ANO3: variants seen among roughly 807,000 people sequenced by gnomAD.
The protein encoded by ANO3 is anoctamin 3.
Under a neutral mutation model 144.8 loss-of-function variants are expected in ANO3, and 99 were observed. That is an observed-to-expected ratio of 0.68 (90% CI 0.58 to 0.81). The LOEUF is 0.81. ANO3 is among the 30% of genes least tolerant of loss of function. ANO3 has a pLI of 0.00. For synonymous variants in ANO3, 414 were observed against 392.6 expected (o/e 1.05, Z -0.64); for missense variants, 905 against 1,202.2 (o/e 0.75, Z 3.66).
At chr11:26,496,970 G>A (rs180877348) in intron 4 of ANO3, among the ~76,000 whole-genome samples, 11,175 of 95,764 alleles carry the variant, frequency 0.12, 601 homozygotes, top group Admixed American at 0.21. Context: ...AGAAAATGTT[G>A]TGTGTATATA....
intron 7 of ANO3, 72 bp from the exon 8 acceptor site, chr11:26,531,133 G>T (rs1481770651): frequency 7.1e-6 from 11 of 1,552,064 alleles, no homozygotes; most frequent in Non-Finnish European, 9.7e-6. Context: ...GTACTTAAGT[G>T]AATTGTAGTG....
chr11:26,410,725 G>C (rs1347908722), intron 1 of ANO3, among the ~76,000 whole-genome samples: 1 of 152,010 alleles, frequency 6.6e-6, no homozygotes, highest in Non-Finnish European at 1.5e-5. Flanking sequence ...TAAGAAGGCA[G>C]ATTTCTGCTC....
intron 13 of ANO3, chr11:26,558,962 T>A (rs1035964800): frequency 2.0e-5 from 3 of 152,150 alleles, no homozygotes; most frequent in African/African-American, 7.2e-5. Context: ...GCCTTCACTG[T>A]GTTAGTTTAA....
At chr11:26,503,563 C>G (rs1861286403) in intron 4 of ANO3, among the ~76,000 whole-genome samples, 1 of 152,086 alleles carries the variant, frequency 6.6e-6, no homozygotes, top group Non-Finnish European at 1.5e-5. Flanking sequence ...TGCTATGCTT[C>G]TCTATTGACA....
intron 4 of ANO3, among the ~76,000 whole-genome samples, chr11:26,478,899 T>C (rs977498980): frequency 1.3e-5 from 2 of 152,202 alleles, no homozygotes; most frequent in Admixed American, 6.5e-5. Context: ...TCACTGCTTG[T>C]GCCGCTGGAG....
Position 26,428,162 on chromosome 11 carries a change from C to T in ANO3, c.47-13756C>T, listed in dbSNP as rs139576226. On this transcript the variant is annotated intron_variant, in intron 1 of 26. Coordinates refer to ENST00000256737, the MANE Select transcript of ANO3 (RefSeq NM_031418.4). ...TTGAACATAATCAACAAACATTCAACATGTATATGTATATATGTGTCTGCA... is the reference window on the plus strand; with the variant it reads ...TTGAACATAATCAACAAACATTCAATATGTATATGTATATATGTGTCTGCA... 1.6e-4 allele frequency among the ~76,000 whole-genome samples: 25 copies of T among 152,222 alleles called. 1 individual carries two copies. The East Asian group carries it at 2.5e-3, about 15-fold the overall frequency.
At chr11:26,563,178 CACA>C (rs765395713) in intron 14 of ANO3, 16 of 1,612,340 alleles carry the variant, frequency 9.9e-6, no homozygotes, top group African/African-American at 5.3e-5. Context: ...CCTTTTTCCA[CACA>C]ACAAGTAGCC....
At chr11:26,257,756 A>C (rs1853092979) in intron 1 of ANO3, among the ~76,000 whole-genome samples, 1 of 150,120 alleles carries the variant, frequency 6.7e-6, no homozygotes, top group Non-Finnish European at 1.5e-5. Flanking sequence ...TACACATAAA[A>C]ATTCTGTCCC....
chr11:26,265,753 A>C (rs569700744), intron 1 of ANO3, among the ~76,000 whole-genome samples: 1 of 152,250 alleles, frequency 6.6e-6, no homozygotes, highest in South Asian at 2.1e-4. Context: ...TAGTCAAATA[A>C]CCCTGAAACC....
At chr11:26,660,189 T>G in intron 26 of ANO3, 73 bp from the exon 27 acceptor site, 1 of 1,345,426 alleles carries the variant, frequency 7.4e-7, no homozygotes, top group African/African-American at 1.4e-5. Context: ...GCAACATTGT[T>G]CATTGTTGTA....
intron 14 of ANO3, among the ~76,000 whole-genome samples, chr11:26,578,807 G>A (rs1284117323): frequency 2.6e-5 from 4 of 152,120 alleles, no homozygotes; most frequent in East Asian, 1.9e-4. Context: ...TTCTGAAATA[G>A]AGCCTTTTCT....
chr11:26,254,925 C>T (rs1853020879), intron 1 of ANO3, among the ~76,000 whole-genome samples: 1 of 152,066 alleles, frequency 6.6e-6, no homozygotes, highest in African/African-American at 2.4e-5. Context: ...CTCAATATCC[C>T]AATTTTATAG....
At chr11:26,276,752 T>C (rs1853568408) in intron 1 of ANO3, among the ~76,000 whole-genome samples, 1 of 152,118 alleles carries the variant, frequency 6.6e-6, no homozygotes, top group Non-Finnish European at 1.5e-5. Flanking sequence ...ACCTTACTCC[T>C]ACCTCCCTCT....
At chr11:26,641,114 T>G (rs1853135337) in intron 21 of ANO3, among the ~76,000 whole-genome samples, 1 of 152,220 alleles carries the variant, frequency 6.6e-6, no homozygotes, top group Admixed American at 6.5e-5. Flanking sequence ...CCACAATATG[T>G]GCATACCAGG....
chr11:26,607,728 C>G (rs1851975466), intron 17 of ANO3, among the ~76,000 whole-genome samples: 1 of 152,138 alleles, frequency 6.6e-6, no homozygotes, highest in Admixed American at 6.6e-5. Flanking sequence ...GTCGATTCAG[C>G]TATTGATACT....
chr11:26,663,253 A>G lies in ANO3; in HGVS notation c.*2809A>G, dbSNP rs1853929163. The stretch of plus-strand genomic sequence containing the variant: ...CTATTGTATGATGGAATGAATAGAA[A>G]ACTTTTTCACTCAATAAATTATTAT... On this transcript the variant is annotated 3_prime_UTR_variant, in exon 27 of 27. Transcript: ENST00000256737. 1 of 152,076 alleles carries G rather than the reference A, an allele frequency of 6.6e-6. No homozygotes were observed. The highest frequency in any genetic ancestry group is 1.5e-5 in the Non-Finnish European group (1 of 67,978). 9.4% of individuals were successfully genotyped at this position (152,076 alleles called of 1,614,324 possible).
intron 11 of ANO3, among the ~76,000 whole-genome samples, chr11:26,542,960 G>A (rs1045425410): frequency 6.6e-6 from 1 of 151,994 alleles, no homozygotes; most frequent in African/African-American, 2.4e-5. Context: ...AGTGTAAAAC[G>A]GATGGACACT....
chr11:26,266,857 G>T (rs1252372497), intron 1 of ANO3, among the ~76,000 whole-genome samples: 1 of 151,364 alleles, frequency 6.6e-6, no homozygotes, highest in African/African-American at 2.4e-5. Context: ...CGAGGCGGGC[G>T]GATCACGAGG....
chr11:26,278,515 T>C (rs1040091595), intron 1 of ANO3, among the ~76,000 whole-genome samples: 2 of 152,104 alleles, frequency 1.3e-5, no homozygotes, highest in African/African-American at 2.4e-5. Context: ...CCTCAGACTT[T>C]ACTGTTTACT....
Sources: allele counts gnomAD v4.1 joint callset (sites outside exome capture counted in the v4.1 genomes callset), GRCh38; gene constraint gnomAD v4.1.1; transcripts MANE v1.5; gene names NCBI Gene and HGNC (gene_info 2026-07-23, HGNC 2026-07-21).